NLGN4Y: variants seen among roughly 807,000 people sequenced by gnomAD.
NLGN4Y encodes neuroligin-4, Y-linked.
In NLGN4Y, 4 loss-of-function variants were observed where a neutral mutation model predicts 8.4. The ratio of observed to expected loss-of-function variants is 0.48; its 90% CI spans 0.23 to 1.09. NLGN4Y has a LOEUF of 1.09. Among genes scored for constraint, NLGN4Y ranks in the 50% least tolerant of loss-of-function variants. NLGN4Y has a pLI of 0.19. For synonymous variants in NLGN4Y, 35 were observed against 75.6 expected (o/e 0.46, Z 2.78); for missense variants, 90 against 192.3 (o/e 0.47, Z 3.15).
intron 2 of NLGN4Y, among the ~76,000 whole-genome samples, chrY:14,653,095 T>C (rs757554381): frequency 9.1e-5 from 3 of 32,823 alleles, no homozygotes; most frequent in African/African-American, 3.5e-4. Context: ...ACACACCAAA[T>C]GTTTACAAAA....
At chrY:14,806,834 A>G in intron 4 of NLGN4Y, among the ~76,000 whole-genome samples, 1 of 28,132 alleles carries the variant, frequency 3.6e-5, no homozygotes. Flanking sequence ...CCTCCTGCTT[A>G]GAGAAAAAAA....
intron 4 of NLGN4Y, among the ~76,000 whole-genome samples, chrY:14,799,249 G>A: frequency 3.0e-5 from 1 of 33,757 alleles, no homozygotes; most frequent in Non-Finnish European, 7.4e-5. Flanking sequence ...AGAGACAAGA[G>A]TGAACCTAAG....
intron 1 of NLGN4Y, among the ~76,000 whole-genome samples, chrY:14,615,026 G>A: frequency 1.5e-4 from 5 of 32,698 alleles, no homozygotes; most frequent in Middle Eastern, 0.027. Context: ...AATTACTTTC[G>A]GCAATATGGC....
intron 1 of NLGN4Y, among the ~76,000 whole-genome samples, chrY:14,604,986 T>C: frequency 3.0e-5 from 1 of 33,544 alleles, no homozygotes; most frequent in African/African-American, 1.2e-4. Context: ...ATATTCAATA[T>C]TTATTTGACA....
At chrY:14,565,092 A>C (rs373412229) in intron 1 of NLGN4Y, among the ~76,000 whole-genome samples, 13 of 32,977 alleles carry the variant, frequency 3.9e-4, no homozygotes, top group African/African-American at 1.1e-3. Flanking sequence ...TGAAAATTCC[A>C]AAAACCAGGA....
chrY:14,703,531 G>C (rs1414680673), intron 2 of NLGN4Y, among the ~76,000 whole-genome samples: 14 of 33,195 alleles, frequency 4.2e-4, no homozygotes. Context: ...TCTCTGTTTT[G>C]GTACCAGTAC....
chrY:14,626,028 G>C (rs2080526276), intron 2 of NLGN4Y, among the ~76,000 whole-genome samples: 1 of 33,659 alleles, frequency 3.0e-5, no homozygotes, highest in Admixed American at 2.7e-4. Flanking sequence ...TGTATCCTTG[G>C]ACATACATCT....
At chrY:14,694,797 T>A (rs923466433) in intron 2 of NLGN4Y, among the ~76,000 whole-genome samples, 1 of 34,335 alleles carries the variant, frequency 2.9e-5, no homozygotes, top group East Asian at 7.8e-4. Context: ...TACATGCCAT[T>A]TGAGGATGCA....
At chrY:14,744,602 T>C in intron 4 of NLGN4Y, among the ~76,000 whole-genome samples, 1 of 33,893 alleles carries the variant, frequency 3.0e-5, no homozygotes, top group East Asian at 7.9e-4. Flanking sequence ...TTGTTCAACA[T>C]TTTGCCTGGC....
chrY:14,578,272 A>G (rs2080305587), intron 1 of NLGN4Y, among the ~76,000 whole-genome samples: 1 of 24,205 alleles, frequency 4.1e-5, no homozygotes, highest in Non-Finnish European at 1.0e-4. Context: ...CCCAGCATTG[A>G]GGGATCTACA....
intron 6 of NLGN4Y, among the ~76,000 whole-genome samples, chrY:14,832,058 C>G: frequency 2.9e-5 from 1 of 34,124 alleles, no homozygotes; most frequent in East Asian, 7.7e-4. Flanking sequence ...TGTGTGCCAC[C>G]ATCATCCACC....
Position 14,843,178 on chromosome Y carries a change from T to A in NLGN4Y, c.*1916T>A. 1 of 119,994 alleles carries A rather than the reference T, an allele frequency of 8.3e-6. No homozygotes were observed. The highest frequency in any genetic ancestry group is 3.9e-5 in the South Asian group (1 of 25,530). 29.9% of individuals were successfully genotyped at this position (119,994 alleles called of 400,897 possible). A position where few individuals can be genotyped will look rare whatever the true frequency, so the allele number is the denominator to read the frequency against. ...GAGTGACCTCTAGAAAAAAGAAAAC[T>A]GTTTTTAGAAATACATAAAATCACT... On this transcript the variant is annotated 3_prime_UTR_variant, in exon 7 of 7. Transcript: ENST00000684976.
intron 6 of NLGN4Y, among the ~76,000 whole-genome samples, chrY:14,835,729 G>C: frequency 3.8e-5 from 1 of 26,628 alleles, no homozygotes; most frequent in Admixed American, 3.4e-4. Flanking sequence ...AGAGGGAATG[G>C]AGGAGGAGAG....
intron 6 of NLGN4Y, among the ~76,000 whole-genome samples, chrY:14,835,375 G>C: frequency 4.6e-5 from 1 of 21,514 alleles, no homozygotes; most frequent in African/African-American, 1.9e-4. Context: ...GAGAGAGAGA[G>C]GAAGGGAGGG....
intron 2 of NLGN4Y, among the ~76,000 whole-genome samples, chrY:14,701,223 A>ACG (rs2080847494): frequency 3.1e-5 from 1 of 31,832 alleles, no homozygotes; most frequent in Non-Finnish European, 7.6e-5. Context: ...ACACACACAC[A>ACG]CACGCACAAT....
chrY:14,527,843 G>C, intron 1 of NLGN4Y, among the ~76,000 whole-genome samples: 1 of 33,373 alleles, frequency 3.0e-5, no homozygotes, highest in East Asian at 7.7e-4. Context: ...TTTGGACTTT[G>C]AAAGGCTCCA....
chrY:14,724,059 G>C, intron 4 of NLGN4Y, among the ~76,000 whole-genome samples: 1 of 33,619 alleles, frequency 3.0e-5, no homozygotes, highest in East Asian at 7.7e-4. Context: ...CCATTAAAAT[G>C]ATGTAGAAAA....
intron 2 of NLGN4Y, among the ~76,000 whole-genome samples, chrY:14,659,523 C>G (rs2080666546): frequency 3.0e-5 from 1 of 33,133 alleles, no homozygotes; most frequent in African/African-American, 1.2e-4. Flanking sequence ...AGATATGCTC[C>G]TCCTAGTGAG....
chrY:14,639,583 C>T, intron 2 of NLGN4Y: 1 of 226,288 alleles, frequency 4.4e-6, no homozygotes, highest in South Asian at 3.4e-5. Flanking sequence ...TTGAGTCATA[C>T]CCTCTTTGCT....
Sources: gnomAD v4.1 joint callset for allele counts (sites outside exome capture counted in the v4.1 genomes callset) on GRCh38, gnomAD v4.1.1 for gene constraint, MANE v1.5 for transcripts, NCBI Gene and HGNC (gene_info 2026-07-23, HGNC 2026-07-21) for gene names.